The following SRSF2 variants were observed in gnomAD, a reference collection of about 807,000 sequenced individuals.
The protein encoded by SRSF2 is serine/arginine-rich splicing factor 2.
A neutral mutation model predicts 15.7 loss-of-function variants in SRSF2; 4 were observed. The ratio of observed to expected loss-of-function variants is 0.26; its 90% CI spans 0.13 to 0.58. The LOEUF (loss-of-function observed/expected upper bound fraction) is 0.58, where lower values mean the gene tolerates loss of function less well. Ranked by LOEUF, SRSF2 falls within the 20% of genes least tolerant of loss-of-function variation. The pLI, the probability that SRSF2 is intolerant of heterozygous loss-of-function variation, is 0.90. For missense variants in SRSF2, 147 were observed against 332.4 expected (o/e 0.44, Z 4.34); for synonymous variants, 192 against 138.9 (o/e 1.38, Z -2.69).
At position 76,734,837 on chromosome 17, in the gene SRSF2, T is replaced by A. The variant is rs2077387670; in HGVS notation, c.*329A>T. 4.2e-6 allele frequency: 1 copy of A among 240,068 alleles called. No homozygotes were observed. Among genetic ancestry groups the A allele is most frequent in the East Asian group, 6.4e-5 (1 of 15,528 alleles). The allele number at this position is 240,068 out of a possible 1,614,324, so 14.9% of individuals were successfully genotyped here. On this transcript the variant is annotated 3_prime_UTR_variant, in exon 3 of 3. Transcript: ENST00000359995. Reference sequence around the variant, plus strand: ...TCCTTAAAAGTCAGGAGGCCACAAATTAGGTTACCAATCTGTTTAATTTCA... The same window carrying A: ...TCCTTAAAAGTCAGGAGGCCACAAAATAGGTTACCAATCTGTTTAATTTCA...
At chr17:76,736,602 C>A in intron 1 of SRSF2, 138 bp from the exon 2 acceptor site, 1 of 1,195,274 alleles carries the variant, frequency 8.4e-7, no homozygotes, top group Non-Finnish European at 1.1e-6. Context: ...TCCTCCGCCC[C>A]GCGCCGCCCA....
rs1289484951 is a variant in SRSF2 at position 76,734,417 on chromosome 17, T to C, written c.*749A>G. The C allele has an allele frequency of 1.2e-5, 3 of 243,178 alleles. No homozygotes were observed. Among genetic ancestry groups the C allele is most frequent in the Non-Finnish European group, 2.6e-5 (3 of 115,504 alleles). 15.1% of individuals were successfully genotyped at this position (243,178 alleles called of 1,614,324 possible). A position where few individuals can be genotyped will look rare whatever the true frequency, so the allele number is the denominator to read the frequency against. On this transcript the variant is annotated 3_prime_UTR_variant, in exon 3 of 3. Transcript: ENST00000359995. ...GAAGTGCAGTTGTCAGGCATTTTAA[T>C]AAACTGGACAGCCATTTGTTTCTGC...
rs2143925364 is a variant in SRSF2, at chr17:76,736,275, C to A, written c.552G>T (p.Arg184Ser). 2 of 1,614,168 alleles carry A rather than the reference C, an allele frequency of 1.2e-6. No homozygotes were observed. Among genetic ancestry groups the A allele is most frequent in the Non-Finnish European group, 1.7e-6 (2 of 1,180,022 alleles). Residue 184 changes from arginine to serine, a missense_variant, in exon 2 of 3, where the codon AGG becomes AGT. Coordinates refer to ENST00000359995, the MANE Select transcript of SRSF2 (RefSeq NM_001195427.2). ...SSVSRSRSRS[R>S]SRSRSRSPPP... is the part of the protein sequence containing the mutation. ...GAGGACTCCTGGACCGAGACCGGGA[C>A]CTGGACCGCGAACGAGATCTGGAGA...
In SRSF2 at chr17:76,737,026, G is replaced by A. The variant is rs1269318968; in HGVS notation, c.135C>T (p.Ile45=). 14 of 1,613,458 alleles carry A rather than the reference G, an allele frequency of 8.7e-6. No homozygotes were observed. Among genetic ancestry groups the A allele is most frequent in the East Asian group, 2.2e-5 (1 of 44,870 alleles). The change falls in exon 1 of 3, where the codon ATC becomes ATT. Residue 45 remains isoleucine (I), a synonymous_variant. Transcript: ENST00000359995. ...ACTCCTTGGTGTAGCGGTCCCGCGG[G>A]ATGTACACGTCGCCGACGCGCCCGT... is the stretch of plus-strand genomic sequence containing the variant. The part of the protein sequence containing the change: ...EKYGRVGDVY[I]PRDRYTKESR...
At position 76,734,199 on chromosome 17, in the gene SRSF2, G is replaced by C. The variant is rs1057237498; in HGVS notation, c.*967C>G. ...AATACAGAATATTCATAAGCAAAAA[G>C]ATACACCATGTTATAAGTACTTACA... On this transcript the variant is annotated 3_prime_UTR_variant, in exon 3 of 3. Transcript: ENST00000359995. The C allele has an allele frequency of 2.3e-5, 5 of 218,854 alleles. No individual in the cohort carries two copies. Among genetic ancestry groups the C allele is most frequent in the African/African-American group, 9.0e-5 (4 of 44,444 alleles). 13.6% of individuals were successfully genotyped at this position (218,854 alleles called of 1,614,324 possible).
rs1470066389 is a variant in SRSF2 at position 76,736,177 on chromosome 17, C to T, written c.650G>A (p.Gly217Glu). 2 of 1,609,820 alleles carry T rather than the reference C, an allele frequency of 1.2e-6. No individual in the cohort carries two copies. Among genetic ancestry groups the T allele is most frequent in the East Asian group, 2.2e-5 (1 of 44,804 alleles). The change falls in exon 2 of 3, where the codon GGA (glycine) becomes GAA (glutamate). Residue 217 changes from glycine (G) to glutamate (E), a missense_variant. This residue lies in a region of SRSF2 where 125 missense variants were observed against 185.1 expected (regional missense o/e 0.68). Coordinates refer to ENST00000359995, the MANE Select transcript of SRSF2 (RefSeq NM_001195427.2). The part of the protein sequence containing the change: ...KSPPKSPEEE[G>E]AVSS Reference sequence around the variant, plus strand: ...ACCATTTTCTTAAGAGGACACCGCTCCTTCCTCTTCAGGAGACTTGGGGGG... The same window carrying T: ...ACCATTTTCTTAAGAGGACACCGCTTCTTCCTCTTCAGGAGACTTGGGGGG...
intron 2 of SRSF2, chr17:76,735,690 A>G: frequency 3.9e-6 from 1 of 255,860 alleles, no homozygotes; most frequent in Non-Finnish European, 7.8e-6. Context: ...CCATTAGAAT[A>G]TGAAGTCCCA....
intron 2 of SRSF2, 53 bp downstream of exon 2, chr17:76,736,101 C>G: frequency 6.6e-7 from 1 of 1,518,820 alleles, no homozygotes; most frequent in South Asian, 1.3e-5. Flanking sequence ...AAAGACCTAC[C>G]CCAAATCCCA....
In SRSF2 at chr17:76,737,005, C is replaced by T. The variant is rs770956483; in HGVS notation, c.156G>A (p.Lys52=). The T allele has an allele frequency of 1.2e-6, 2 of 1,613,472 alleles. No individual in the cohort carries two copies. Among genetic ancestry groups the T allele is most frequent in the Admixed American group, 3.3e-5 (2 of 59,994 alleles). Residue 52 remains lysine (K), a synonymous_variant, in exon 1 of 3, where the codon AAG becomes AAA. Transcript: ENST00000359995. The part of the protein sequence containing the change: ...DVYIPRDRYT[K]ESRGFAFVRF... ...GAACGAAGGCGAAGCCGCGGGACTCCTTGGTGTAGCGGTCCCGCGGGATGT... is the reference window on the plus strand; with the variant it reads ...GAACGAAGGCGAAGCCGCGGGACTCTTTGGTGTAGCGGTCCCGCGGGATGT...
In SRSF2 at chr17:76,734,169, G is replaced by C. The variant is rs1337638626; in HGVS notation, c.*997C>G. 1 of 212,920 alleles carries C rather than the reference G, an allele frequency of 4.7e-6. No individual in the cohort carries two copies. 13.2% of individuals were successfully genotyped at this position (212,920 alleles called of 1,614,324 possible). ...TTTTAATTAAACTACAGAAACAATG[G>C]TTATAATACAGAATATTCATAAGCA... On this transcript the variant is annotated 3_prime_UTR_variant, in exon 3 of 3. Transcript: ENST00000359995.
intron 2 of SRSF2, 46 bp downstream of exon 2, chr17:76,736,108 C>G (rs780698530): frequency 6.6e-7 from 1 of 1,524,918 alleles, no homozygotes; most frequent in East Asian, 2.3e-5. Flanking sequence ...TACCCCAAAT[C>G]CCATTTATGA....
Position 76,735,015 on chromosome 17 carries a change from G to A in SRSF2, c.*151C>T, listed in dbSNP as rs539246382. ...CATAAAATGAAGTTTGCCAACTGAG[G>A]CAAAGCTTAAACAAGTAAAAAGTTA... On this transcript the variant is annotated 3_prime_UTR_variant, in exon 3 of 3. Transcript: ENST00000359995. 58 of 222,228 alleles carry A rather than the reference G, an allele frequency of 2.6e-4. No homozygotes were observed. The highest frequency in any genetic ancestry group is 1.1e-3 in the African/African-American group (48 of 44,756). 13.8% of individuals were successfully genotyped at this position (222,228 alleles called of 1,614,324 possible).
chr17:76,735,289 TA>T (rs2077404385), intron 2 of SRSF2, 131 bp from the exon 3 acceptor site: 1 of 218,002 alleles, frequency 4.6e-6, no homozygotes, highest in East Asian at 6.8e-5. Flanking sequence ...GCCATGTTTT[TA>T]AAAGGCCCAA....
chr17:76,735,329 A>G (rs554649789), intron 2 of SRSF2, 171 bp from the exon 3 acceptor site: 7 of 212,916 alleles, frequency 3.3e-5, no homozygotes, highest in African/African-American at 6.8e-5. Flanking sequence ...GGCTACCATC[A>G]GCATGTACAA....
rs1195496251 is a variant in SRSF2 at position 76,737,287 on chromosome 17, A to G, written c.-127T>C. On this transcript the variant is annotated 5_prime_UTR_variant, in exon 1 of 3. Coordinates refer to ENST00000359995, the MANE Select transcript of SRSF2 (RefSeq NM_001195427.2). ...ACACTGGGAAAGGCCTTGCCGCAGA[A>G]CAGCACGGACGGGCTCCGCAGGCTA... The G allele has an allele frequency of 1.5e-6, 2 of 1,312,170 alleles. No individual in the cohort carries two copies. The highest frequency in any genetic ancestry group is 2.0e-6 in the Non-Finnish European group (2 of 983,648). The allele number at this position is 1,312,170 out of a possible 1,614,324, so 81.3% of individuals were successfully genotyped here.
Position 76,737,171 on chromosome 17 carries a change from G to A in SRSF2, c.-11C>T. The A allele has an allele frequency of 6.5e-7, 1 of 1,547,966 alleles. No individual in the cohort carries two copies. The highest frequency in any genetic ancestry group is 2.4e-5 in the East Asian group (1 of 42,448). On this transcript the variant is annotated 5_prime_UTR_variant, in exon 1 of 3. Transcript: ENST00000359995. Reference sequence around the variant, plus strand: ...GCGGCCGTAGCTCATAGCTCTGAGTGGCGGCCCGGAGCCCCGCGAACTGGC... The same window carrying A: ...GCGGCCGTAGCTCATAGCTCTGAGTAGCGGCCCGGAGCCCCGCGAACTGGC...
intron 2 of SRSF2, 108 bp downstream of exon 2, chr17:76,736,046 A>G (rs2077447045): frequency 8.8e-7 from 1 of 1,137,118 alleles, no homozygotes; most frequent in South Asian, 1.5e-5. Context: ...ACCTCCGAGC[A>G]GCACTCCTAA....
chr17:76,737,188 C>T lies in SRSF2; in HGVS notation c.-28G>A. ...CTCTGAGTGGCGGCCCGGAGCCCCG[C>T]GAACTGGCGCCGGCTTCCTCAGCTC... On this transcript the variant is annotated 5_prime_UTR_variant, in exon 1 of 3. Transcript: ENST00000359995. 6 of 1,518,296 alleles carry T rather than the reference C, an allele frequency of 4.0e-6. No homozygotes were observed. Among genetic ancestry groups the T allele is most frequent in the Non-Finnish European group, 4.4e-6 (5 of 1,127,126 alleles). The allele number at this position is 1,518,296 out of a possible 1,614,324, so 94.1% of individuals were successfully genotyped here.
chr17:76,734,293 A>G lies in SRSF2; in HGVS notation c.*873T>C, dbSNP rs1156638044. 4.4e-6 allele frequency: 1 copy of G among 229,686 alleles called. No individual in the cohort carries two copies. Among genetic ancestry groups the G allele is most frequent in the Non-Finnish European group, 8.8e-6 (1 of 113,946 alleles). 14.2% of individuals were successfully genotyped at this position (229,686 alleles called of 1,614,324 possible). On this transcript the variant is annotated 3_prime_UTR_variant, in exon 3 of 3. Transcript: ENST00000359995. ...CATACATGTAGATATGATCAGATTT[A>G]CCATTTTTAGGGGGAAGAGGGAAAA...
Sources: allele counts gnomAD v4.1 joint callset, GRCh38; gene constraint gnomAD v4.1.1; regional missense constraint gnomAD v4.1.1; transcripts MANE v1.5; gene names NCBI Gene and HGNC (gene_info 2026-07-23, HGNC 2026-07-21).